SACS: variants seen among roughly 807,000 people sequenced by gnomAD.
The protein encoded by SACS is sacsin.
In SACS, 197 loss-of-function variants were observed where a neutral mutation model predicts 348.0. The observed-to-expected ratio is 0.57, with a 90% CI of 0.50 to 0.64. The LOEUF is 0.64. Among genes scored for constraint, SACS ranks in the 30% least tolerant of loss-of-function variants. The pLI is 0.00. For missense variants in SACS, 4,999 were observed against 5,360.8 expected (o/e 0.93, Z 2.11); for synonymous variants, 1,985 against 1,910.6 (o/e 1.04, Z -1.02).
chr13:23,344,984 C>T (rs1042075850), intron 9 of SACS, among the ~76,000 whole-genome samples: 6 of 152,220 alleles, frequency 3.9e-5, no homozygotes, highest in Admixed American at 2.6e-4. Flanking sequence ...ATATAGTCTA[C>T]TTAAAAATTT....
intron 1 of SACS, among the ~76,000 whole-genome samples, chr13:23,429,278 G>A (rs938892888): frequency 2.5e-4 from 37 of 149,774 alleles, no homozygotes; most frequent in African/African-American, 8.8e-4. Flanking sequence ...TAATTCTTTG[G>A]GGAGGATTGA....
intron 6 of SACS, among the ~76,000 whole-genome samples, chr13:23,361,866 G>A (rs1870755739): frequency 1.3e-5 from 2 of 152,014 alleles, no homozygotes; most frequent in Admixed American, 1.3e-4. Context: ...GAGCAGGCCT[G>A]CAGTCTATTT....
chr13:23,424,540 G>A (rs9510732), intron 1 of SACS, among the ~76,000 whole-genome samples: 63,020 of 144,668 alleles, frequency 0.44, 15,087 homozygotes, highest in South Asian at 0.6. Flanking sequence ...AAAAAAAAAA[G>A]GAAATGAGAT....
At chr13:23,396,537 C>A (rs904153686) in intron 2 of SACS, among the ~76,000 whole-genome samples, 2 of 151,840 alleles carry the variant, frequency 1.3e-5, no homozygotes, top group Non-Finnish European at 1.5e-5. Context: ...AAATTATAAC[C>A]ACTAGATGTT....
chr13:23,331,654 A>G lies in SACS; in HGVS notation c.12222T>C (p.Ala4074=). ...PIPHSRSETF[A]FLKRFGNAVI... ...CTGCATTACCAAATCGCTTCAAAAA[A>G]GCAAAAGTTTCACTTCTGCTGTGGG... Residue 4074 remains alanine, a synonymous_variant, in exon 10 of 10, where the codon GCT becomes GCC. Transcript: ENST00000382292. 6.2e-7 allele frequency: 1 copy of G among 1,614,018 alleles called. No homozygotes were observed.
intron 2 of SACS, among the ~76,000 whole-genome samples, chr13:23,403,161 G>C (rs1050349341): frequency 6.6e-6 from 1 of 151,362 alleles, no homozygotes; most frequent in Non-Finnish European, 1.5e-5. Context: ...CTGGGCAACA[G>C]AGTGAGACTC....
At chr13:23,390,026 T>TG (rs1219706220) in intron 2 of SACS, among the ~76,000 whole-genome samples, 1 of 138,138 alleles carries the variant, frequency 7.2e-6, no homozygotes, top group East Asian at 2.0e-4. Context: ...TCAATGGATT[T>TG]GGTTTTTTTT....
In SACS at chr13:23,333,592, T is replaced by C. The variant is rs1447212627; in HGVS notation, c.10284A>G (p.Thr3428=). The change falls in exon 10 of 10, where the codon ACA becomes ACG. Residue 3428 remains threonine (T), a synonymous_variant. Coordinates refer to ENST00000382292, the MANE Select transcript of SACS (RefSeq NM_014363.6). ...GGATACTTTTTGTAAGTACGTAGCA[T>C]GTTCCAAATTTTCCAATGCTTACAT... ...GRYVSIGKFG[T]CYVLTKSIPS... The C allele has an allele frequency of 1.9e-6, 3 of 1,613,676 alleles. No homozygotes were observed. The highest frequency in any genetic ancestry group is 4.5e-5 in the East Asian group (2 of 44,882).
intron 6 of SACS, 138 bp from the exon 7 acceptor site, chr13:23,358,619 T>C: frequency 1.2e-6 from 1 of 831,422 alleles, no homozygotes; most frequent in South Asian, 1.5e-5. Flanking sequence ...AATTCCACAC[T>C]ATAATTCTGT....
At chr13:23,405,553 T>G (rs946865028) in intron 2 of SACS, among the ~76,000 whole-genome samples, 1 of 151,980 alleles carries the variant, frequency 6.6e-6, no homozygotes, top group African/African-American at 2.4e-5. Flanking sequence ...AATTGACAAA[T>G]GGGGTCTAAT....
intron 2 of SACS, among the ~76,000 whole-genome samples, chr13:23,399,310 C>T (rs536900608): frequency 3.6e-4 from 55 of 152,184 alleles, no homozygotes; most frequent in Non-Finnish European, 6.5e-4. Flanking sequence ...TTCCTTGTCC[C>T]TTCTCCTAAG....
In SACS at chr13:23,336,977, A is replaced by G; in HGVS notation, c.6899T>C (p.Val2300Ala). Reference protein sequence around the residue: ...VDLVINQLKEVAKSVDDGITL... With the variant: ...VDLVINQLKEAAKSVDDGITL... The stretch of plus-strand genomic sequence containing the variant: ...AATTCCATCATCAACTGATTTTGCT[A>G]CTTCTTTCAATTGGTTTATAACCAG... The change falls in exon 10 of 10, where the codon GTA becomes GCA. Residue 2300 changes from valine (V) to alanine (A), a missense_variant. Coordinates refer to ENST00000382292, the MANE Select transcript of SACS (RefSeq NM_014363.6). 6.2e-7 allele frequency: 1 copy of G among 1,613,978 alleles called. No homozygotes were observed. The highest frequency in any genetic ancestry group is 8.5e-7 in the Non-Finnish European group (1 of 1,179,888).
chr13:23,336,473 T>C lies in SACS; in HGVS notation c.7403A>G (p.Tyr2468Cys). ...TACTTTTATCCAAGGGCAATCATTG[T>C]AGCATAACGATTTAGCAGGGAGAAG... Reference protein sequence around the residue: ...LMLLPAKSLCYNDCPWIKVKD... With the variant: ...LMLLPAKSLCCNDCPWIKVKD... Residue 2468 changes from tyrosine to cysteine, a missense_variant, in exon 10 of 10, where the codon TAC becomes TGC. Coordinates refer to ENST00000382292, the MANE Select transcript of SACS (RefSeq NM_014363.6). The C allele has an allele frequency of 6.2e-7, 1 of 1,614,064 alleles. No homozygotes were observed. Among genetic ancestry groups the C allele is most frequent in the South Asian group, 1.1e-5 (1 of 91,082 alleles).
At chr13:23,409,040 C>CTTTTTTTTTTTTTTTT (rs1175897856) in intron 2 of SACS, among the ~76,000 whole-genome samples, 365 of 35,146 alleles carry the variant, frequency 0.01, 123 homozygotes, top group Non-Finnish European at 0.012. Context: ...ACAAGTTTTA[C>CTTTTTTTTTTTTTTTT]TTTTTTTTTT....
At position 23,332,326 on chromosome 13, in the gene SACS, A is replaced by G. The variant is rs1452842357; in HGVS notation, c.11550T>C (p.Thr3850=). 6.2e-7 allele frequency: 1 copy of G among 1,613,886 alleles called. No homozygotes were observed. The highest frequency in any genetic ancestry group is 2.2e-5 in the East Asian group (1 of 44,896). The change falls in exon 10 of 10, where the codon ACT becomes ACC. Residue 3850 remains threonine, a synonymous_variant. Transcript: ENST00000382292. ...KHLGTEDIIS[T]KQYVEVLSRI... is the part of the protein sequence containing the mutation. Reference sequence around the variant, plus strand: ...GGCTCAACACTTCAACATATTGCTTAGTTGAAATAATATCTTCAGTACCTA... The same window carrying G: ...GGCTCAACACTTCAACATATTGCTTGGTTGAAATAATATCTTCAGTACCTA...
chr13:23,430,910 A>G (rs896425009), intron 1 of SACS, among the ~76,000 whole-genome samples: 7 of 152,166 alleles, frequency 4.6e-5, no homozygotes, highest in African/African-American at 1.7e-4. Context: ...CATCGTCGTC[A>G]ATTTGAAGTG....
At chr13:23,426,985 AC>A (rs1874213014) in intron 1 of SACS, 1 of 151,986 alleles carries the variant, frequency 6.6e-6, no homozygotes. Flanking sequence ...CGCTGCTTCT[AC>A]CCTACCATTT....
In SACS at chr13:23,332,359, GAAC is replaced by G. The variant is rs1303606201; in HGVS notation, c.11514_11516del (p.Leu3838del). The G allele has an allele frequency of 1.2e-6, 2 of 1,613,878 alleles. No homozygotes were observed. Among genetic ancestry groups the G allele is most frequent in the Non-Finnish European group, 1.7e-6 (2 of 1,179,856 alleles). On this transcript the variant is annotated inframe_deletion, in exon 10 of 10. Coordinates refer to ENST00000382292, the MANE Select transcript of SACS (RefSeq NM_014363.6). ...TAATATCTTCAGTACCTAAGTGTTT[GAAC>G]AACTGGTGAAATGTGCCAAGTTCTA...
chr13:23,381,354 A>ATCAC, intron 2 of SACS, among the ~76,000 whole-genome samples: 1 of 70,124 alleles, frequency 1.4e-5, no homozygotes, highest in African/African-American at 5.8e-5. Context: ...GGCAGCACGA[A>ATCAC]GCACACACAC....
Sources: gnomAD v4.1 joint callset for allele counts (sites outside exome capture counted in the v4.1 genomes callset) on GRCh38, gnomAD v4.1.1 for gene constraint, MANE v1.5 for transcripts, NCBI Gene and HGNC (gene_info 2026-07-23, HGNC 2026-07-21) for gene names.